Variants in GC observed in about 807,000 individuals in gnomAD.
GC encodes vitamin D-binding protein.
In GC, 43 loss-of-function variants were observed where a neutral mutation model predicts 56.7. That is an observed-to-expected ratio of 0.76 (90% CI 0.59 to 0.98). GC has a LOEUF of 0.98. GC is among the 50% of genes least tolerant of loss of function. The probability of loss-of-function intolerance (pLI) is 0.00; values close to 1 mark genes in which losing one functional copy is unlikely to be tolerated. For synonymous variants in GC, 216 were observed against 202.7 expected (o/e 1.07, Z -0.56); for missense variants, 529 against 545.9 (o/e 0.97, Z 0.31).
intron 1 of GC, among the ~76,000 whole-genome samples, chr4:71,793,476 G>C (rs563364057): frequency 2.6e-5 from 4 of 152,124 alleles, no homozygotes; most frequent in Middle Eastern, 3.2e-3. Context: ...TGGTGTATAG[G>C]AATGCTTGTG....
chr4:71,793,434 G>C (rs768811037), intron 1 of GC, among the ~76,000 whole-genome samples: 2 of 152,136 alleles, frequency 1.3e-5, no homozygotes, highest in Non-Finnish European at 2.9e-5. Context: ...GTGAATGGGA[G>C]TTCACTCATG....
upstream of GC, among the ~76,000 whole-genome samples, chr4:71,788,001 C>T (rs181543754): frequency 3.4e-3 from 512 of 151,958 alleles, no homozygotes; most frequent in Non-Finnish European, 6.1e-3. Context: ...CTGTGCTTTG[C>T]TCTCCCACAG....
At chr4:71,765,169 AT>A (rs1410747027) in intron 4 of GC, among the ~76,000 whole-genome samples, 1 of 152,184 alleles carries the variant, frequency 6.6e-6, no homozygotes, top group Non-Finnish European at 1.5e-5. Context: ...AAAATATATC[AT>A]GTGGACAGGA....
intron 2 of GC, 34 bp from the exon 3 acceptor site, chr4:71,768,467 A>G: frequency 1.9e-6 from 3 of 1,575,536 alleles, no homozygotes; most frequent in South Asian, 2.3e-5. Context: ...ATCAATTAGA[A>G]CTGAAAGGTT....
upstream of GC, among the ~76,000 whole-genome samples, chr4:71,787,160 T>C (rs536321974): frequency 5.3e-5 from 8 of 152,056 alleles, no homozygotes; most frequent in South Asian, 1.7e-3. Flanking sequence ...TTCTCCCCTC[T>C]GTTACTGTCA....
chr4:71,788,781 G>A (rs1348134768), upstream of GC, among the ~76,000 whole-genome samples: 1 of 151,906 alleles, frequency 6.6e-6, no homozygotes, highest in Non-Finnish European at 1.5e-5. Flanking sequence ...ATGAGACTTA[G>A]CTGATAATCA....
chr4:71,786,243 C>A (rs927252639), upstream of GC, among the ~76,000 whole-genome samples: 1 of 151,672 alleles, frequency 6.6e-6, no homozygotes, highest in African/African-American at 2.4e-5. Flanking sequence ...AATATATGAG[C>A]CTTTTTTTCA....
At chr4:71,763,258 G>A (rs1742043907) in intron 6 of GC, 150 bp downstream of exon 6, 10 of 419,938 alleles carry the variant, frequency 2.4e-5, no homozygotes, top group South Asian at 2.2e-4. Flanking sequence ...AAAAGAAAAC[G>A]AGAATTTGGC....
intron 11 of GC, among the ~76,000 whole-genome samples, chr4:71,746,784 A>AAAAAAAAAAAAAACAAAC (rs1553946448): frequency 1.3e-4 from 19 of 150,978 alleles, no homozygotes; most frequent in African/African-American, 4.4e-4. Flanking sequence ...AAAAAAAAAA[A>AAAAAAAAAAAAAACAAAC]AAAAAAAAAA....
chr4:71,789,361 C>T (rs1308570782), intron 1 of GC, among the ~76,000 whole-genome samples: 2 of 151,738 alleles, frequency 1.3e-5, no homozygotes, highest in Non-Finnish European at 2.9e-5. Flanking sequence ...CCTGGCTAAT[C>T]TTTGTTAAGA....
intron 1 of GC, among the ~76,000 whole-genome samples, chr4:71,776,096 T>C (rs1372870699): frequency 1.3e-5 from 2 of 151,940 alleles, no homozygotes; most frequent in South Asian, 4.1e-4. Context: ...AGTATGGATG[T>C]TTCTCAAGAA....
intron 1 of GC, among the ~76,000 whole-genome samples, chr4:71,775,916 G>C (rs1318869115): frequency 6.6e-6 from 1 of 151,846 alleles, no homozygotes; most frequent in Non-Finnish European, 1.5e-5. Context: ...TCAGCATCAG[G>C]AATCATTAAG....
intron 12 of GC, among the ~76,000 whole-genome samples, chr4:71,742,944 AG>A (rs1203163181): frequency 6.6e-6 from 1 of 152,168 alleles, no homozygotes; most frequent in Non-Finnish European, 1.5e-5. Flanking sequence ...ACTGCACTCC[AG>A]ACTGGGCGAC....
In GC at chr4:71,775,155, T is replaced by C. The variant is rs547402194; in HGVS notation, c.59-5755A>G. ...TAGTAGTGACAGAGACTTGAAGTAA[T>C]ACTCACTAGACGTTTGCTAATAGAT... On this transcript the variant is annotated intron_variant, in intron 1 of 12. Transcript: ENST00000273951. 1.1e-3 allele frequency among the ~76,000 whole-genome samples: 167 copies of C among 151,568 alleles called. 3 individuals are homozygous for C. The South Asian group carries it at 0.014, about 13-fold the overall frequency.
upstream of GC, chr4:71,784,224 A>G (rs1404036196): frequency 7.1e-6 from 9 of 1,262,260 alleles, no homozygotes; most frequent in African/African-American, 1.6e-5. Context: ...AATAATATCA[A>G]TCAAGGTAAA....
At chr4:71,792,759 G>A (rs1743003284) in intron 1 of GC, among the ~76,000 whole-genome samples, 1 of 152,122 alleles carries the variant, frequency 6.6e-6, no homozygotes, top group Admixed American at 6.5e-5. Flanking sequence ...GAATGATATT[G>A]CCTAGGTTTT....
At chr4:71,771,893 T>TA (rs1375039245) in intron 1 of GC, among the ~76,000 whole-genome samples, 4 of 152,182 alleles carry the variant, frequency 2.6e-5, no homozygotes, top group African/African-American at 7.2e-5. Context: ...GAGCTGTACT[T>TA]ACGATGTCAA....
chr4:71,776,775 A>G (rs1204721531), intron 1 of GC, among the ~76,000 whole-genome samples: 1 of 151,936 alleles, frequency 6.6e-6, no homozygotes, highest in South Asian at 2.1e-4. Context: ...ATAATTTGCC[A>G]ATTAAAAAAC....
chr4:71,768,227 A>T, intron 3 of GC, 74 bp downstream of exon 3: 1 of 1,312,910 alleles, frequency 7.6e-7, no homozygotes, highest in Non-Finnish European at 1.0e-6. Flanking sequence ...AAATTTTTTC[A>T]ACACGTGGTA....
Sources: allele counts gnomAD v4.1 joint callset (sites outside exome capture counted in the v4.1 genomes callset), GRCh38; gene constraint gnomAD v4.1.1; transcripts MANE v1.5; gene names NCBI Gene and HGNC (gene_info 2026-07-23, HGNC 2026-07-21).